The following UGT2B17 variants were observed in gnomAD, a reference collection of about 807,000 sequenced individuals.
The protein encoded by UGT2B17 is UDP glucuronosyltransferase family 2 member B17.
UGT2B17 carries 21 observed loss-of-function variants against 48.2 expected under a neutral mutation model. The ratio of observed to expected loss-of-function variants is 0.44; its 90% CI spans 0.31 to 0.63. The LOEUF (loss-of-function observed/expected upper bound fraction) is 0.63, where lower values mean the gene tolerates loss of function less well. UGT2B17 is among the 20% of genes least tolerant of loss of function. UGT2B17 has a pLI of 0.08. For missense variants in UGT2B17, 402 were observed against 696.1 expected (o/e 0.58, Z 4.75); for synonymous variants, 146 against 238.4 (o/e 0.61, Z 3.57).
intron 5 of UGT2B17, 115 bp downstream of exon 5, chr4:68,551,709 A>ATT (rs1282661780): frequency 2.7e-6 from 2 of 741,452 alleles, no homozygotes; most frequent in Admixed American, 3.5e-5. Flanking sequence ...GTTAAATTTG[A>ATT]TTTTTTTTTA....
intron 1 of UGT2B17, among the ~76,000 whole-genome samples, chr4:68,569,912 C>G (rs1731272966): frequency 7.9e-6 from 1 of 126,472 alleles, no homozygotes; most frequent in African/African-American, 2.7e-5. Context: ...TGTTGGCATG[C>G]TCTCAGGGAT....
At chr4:68,556,066 C>T (rs1179677591) in intron 4 of UGT2B17, among the ~76,000 whole-genome samples, 1 of 119,870 alleles carries the variant, frequency 8.3e-6, no homozygotes, top group African/African-American at 2.8e-5. Flanking sequence ...AAAGTCCAAA[C>T]ATATCATGAA....
intron 4 of UGT2B17, among the ~76,000 whole-genome samples, chr4:68,552,385 A>G (rs1454180297): frequency 7.9e-6 from 1 of 125,852 alleles, no homozygotes; most frequent in Non-Finnish European, 1.7e-5. Flanking sequence ...TCCATGCTTC[A>G]AGTTGCTCTG....
At chr4:68,559,320 A>T (rs1466020464) in intron 4 of UGT2B17, among the ~76,000 whole-genome samples, 1 of 126,148 alleles carries the variant, frequency 7.9e-6, no homozygotes, top group Non-Finnish European at 1.7e-5. Context: ...AATGCTAACA[A>T]TGTAGGAAAA....
Position 68,570,773 on chromosome 4 carries a change from C to T in UGT2B17, c.-64-2225G>A, listed in dbSNP as rs1302734324. ...CAGGTTTTTATAATTATTGTAACTC[C>T]TATTATAAGAGTTTTAAATTTTTCT... On this transcript the variant is annotated intron_variant, in intron 1 of 6. Coordinates refer to ENST00000317746, the MANE Select transcript of UGT2B17 (RefSeq NM_001077.4). Among the ~76,000 whole-genome samples the T allele has an allele frequency of 7.1e-5, 9 of 126,122 alleles. 1 individual carries two copies. The highest frequency in any genetic ancestry group is 1.6e-4 in the African/African-American group (6 of 36,714). 82.7% of individuals were successfully genotyped at this position (126,122 alleles called of 152,430 possible).
chr4:68,542,396 C>T (rs1386720949), intron 6 of UGT2B17, among the ~76,000 whole-genome samples: 2 of 125,918 alleles, frequency 1.6e-5, no homozygotes, highest in Non-Finnish European at 3.4e-5. Flanking sequence ...TTTTTTCTAG[C>T]TCTGTGAGGA....
intron 3 of UGT2B17, among the ~76,000 whole-genome samples, chr4:68,563,806 C>A (rs1034161497): frequency 8.0e-6 from 1 of 125,394 alleles, no homozygotes; most frequent in African/African-American, 2.7e-5. Context: ...CAACTGACTG[C>A]CCAAACTTAA....
In UGT2B17 at chr4:68,539,179, A is replaced by C. The variant is rs1191411427; in HGVS notation, c.1314-1275T>G. On this transcript the variant is annotated intron_variant, in intron 6 of 6. Transcript: ENST00000317746. The stretch of plus-strand genomic sequence containing the variant: ...TTTAAGATTATCTTAAACATTATCC[A>C]AAAGTGAAAACACCAATTTATCACA... 1.6e-5 allele frequency among the ~76,000 whole-genome samples: 2 copies of C among 126,546 alleles called. 1 individual carries two copies. Among genetic ancestry groups the C allele is most frequent in the Non-Finnish European group, 3.4e-5 (2 of 59,698 alleles). The allele number at this position is 126,546 out of a possible 152,430, so 83.0% of individuals were successfully genotyped here. A position where few individuals can be genotyped will look rare whatever the true frequency, so the allele number is the denominator to read the frequency against.
rs1437331958 is a variant in UGT2B17 at position 68,574,589 on chromosome 4, C to G, written c.-65+1362G>C. ...TTTTCTTTAAATTAACATTTTAAAACTTGCTTGAACTTTTCAAACAATAAT... is the reference window on the plus strand; with the variant it reads ...TTTTCTTTAAATTAACATTTTAAAAGTTGCTTGAACTTTTCAAACAATAAT... On this transcript the variant is annotated intron_variant, in intron 1 of 6. Coordinates refer to ENST00000317746, the MANE Select transcript of UGT2B17 (RefSeq NM_001077.4). Among the ~76,000 whole-genome samples the G allele has an allele frequency of 1.6e-5, 2 of 126,740 alleles. 1 individual carries two copies. Among genetic ancestry groups the G allele is most frequent in the Non-Finnish European group, 3.3e-5 (2 of 59,798 alleles). The allele number at this position is 126,740 out of a possible 152,430, so 83.1% of individuals were successfully genotyped here.
intron 6 of UGT2B17, among the ~76,000 whole-genome samples, chr4:68,546,681 C>G (rs1178963863): frequency 1.6e-5 from 2 of 125,380 alleles, no homozygotes; most frequent in Non-Finnish European, 3.4e-5. Context: ...AAAACCTGAT[C>G]GTCTGAGCCC....
intron 4 of UGT2B17, among the ~76,000 whole-genome samples, chr4:68,557,667 T>G (rs1370056831): frequency 7.8e-6 from 1 of 127,760 alleles, no homozygotes; most frequent in Non-Finnish European, 1.7e-5. Flanking sequence ...AAACTATTTG[T>G]GAGTATTTTT....
chr4:68,568,020 A>T lies in UGT2B17; in HGVS notation c.465T>A (p.Asn155Lys), dbSNP rs778445230. The change falls in exon 2 of 7, where the codon AAT (asparagine) becomes AAA (lysine). Residue 155 changes from asparagine (N) to lysine (K), a missense_variant. Physicochemically the swap from Asn to Lys is moderately conservative, Grantham distance 94 (BLOSUM62 0). This residue lies in a region of UGT2B17 where 84 missense variants were observed against 92.6 expected (regional missense o/e 0.91). Coordinates refer to ENST00000317746, the MANE Select transcript of UGT2B17 (RefSeq NM_001077.4). Reference protein sequence around the residue: ...KFDVLLADAVNPCGELLAELL... With the variant: ...KFDVLLADAVKPCGELLAELL... ...GCTCAGCCAGCAGCTCACCACAGGG[A>T]TTAACGGCATCTGCCAGAAGGACAT... 7.2e-7 allele frequency: 1 copy of T among 1,382,718 alleles called. No homozygotes were observed. The highest frequency in any genetic ancestry group is 9.5e-7 in the Non-Finnish European group (1 of 1,055,514). The allele number at this position is 1,382,718 out of a possible 1,614,324, so 85.7% of individuals were successfully genotyped here. A position where few individuals can be genotyped will look rare whatever the true frequency, so the allele number is the denominator to read the frequency against.
intron 6 of UGT2B17, among the ~76,000 whole-genome samples, chr4:68,542,254 C>T (rs1730675045): frequency 7.9e-6 from 1 of 126,378 alleles, no homozygotes; most frequent in Non-Finnish European, 1.7e-5. Context: ...CAGTACCATT[C>T]TGTTTTGGTT....
rs958453672 is a variant in UGT2B17 at position 68,562,797 on chromosome 4, A to G, written c.874-2129T>C. 7.9e-5 allele frequency among the ~76,000 whole-genome samples: 10 copies of G among 125,956 alleles called. 2 individuals are homozygous for G. Among genetic ancestry groups the G allele is most frequent in the African/African-American group, 2.7e-4 (10 of 36,860 alleles). 82.6% of individuals were successfully genotyped at this position (125,956 alleles called of 152,430 possible). A position where few individuals can be genotyped will look rare whatever the true frequency, so the allele number is the denominator to read the frequency against. On this transcript the variant is annotated intron_variant, in intron 3 of 6. Transcript: ENST00000317746. ...TTATATAACTCAATGTACATATGTG[A>G]TGTTTATTTAGAAAATTTTTTCTCA...
chr4:68,540,006 G>A (rs1359291711), intron 6 of UGT2B17, among the ~76,000 whole-genome samples: 2 of 122,176 alleles, frequency 1.6e-5, no homozygotes, highest in African/African-American at 5.6e-5. Context: ...GGCTGGTCTC[G>A]AACTCCTGAC....
At position 68,550,618 on chromosome 4, in the gene UGT2B17, A is replaced by G. The variant is rs747192121; in HGVS notation, c.1313+59T>C. 51 of 1,252,078 alleles carry G rather than the reference A, an allele frequency of 4.1e-5. 11 individuals carry two copies. The highest frequency in any genetic ancestry group is 4.2e-5 in the Non-Finnish European group (40 of 950,852). 77.6% of individuals were successfully genotyped at this position (1,252,078 alleles called of 1,614,324 possible). A position where few individuals can be genotyped will look rare whatever the true frequency, so the allele number is the denominator to read the frequency against. On this transcript the variant is annotated intron_variant, in intron 6 of 6. Transcript: ENST00000317746. ...CTCTTAACAAAGGGTTCAAACTCAT[A>G]TTCACTGTTGACAAAATAATTTGTA... is the stretch of plus-strand genomic sequence containing the variant.
Position 68,570,135 on chromosome 4 carries a change from A to G in UGT2B17, c.-64-1587T>C, listed in dbSNP as rs1414813263. Reference sequence around the variant, plus strand: ...ACCAAGTTGTAGAAGGAAGGGCTTTATTCAGCTGGGAGCATCGGCAAGCTA... The same window carrying G: ...ACCAAGTTGTAGAAGGAAGGGCTTTGTTCAGCTGGGAGCATCGGCAAGCTA... On this transcript the variant is annotated intron_variant, in intron 1 of 6. Transcript: ENST00000317746. 3.9e-5 allele frequency among the ~76,000 whole-genome samples: 5 copies of G among 126,970 alleles called. 2 individuals carry two copies. Among genetic ancestry groups the G allele is most frequent in the African/African-American group, 1.3e-4 (5 of 37,100 alleles). 83.3% of individuals were successfully genotyped at this position (126,970 alleles called of 152,430 possible).
intron 6 of UGT2B17, among the ~76,000 whole-genome samples, chr4:68,544,046 G>A (rs1334452177): frequency 7.9e-6 from 1 of 126,240 alleles, no homozygotes; most frequent in Non-Finnish European, 1.7e-5. Context: ...AATCTAGCAA[G>A]GCAGGCTGAC....
At position 68,542,412 on chromosome 4, in the gene UGT2B17, A is replaced by G. The variant is rs894793730; in HGVS notation, c.1314-4508T>C. Among the ~76,000 whole-genome samples the G allele has an allele frequency of 7.5e-4, 95 of 126,088 alleles. 23 individuals carry two copies. Among genetic ancestry groups the G allele is most frequent in the Non-Finnish European group, 1.7e-4 (10 of 59,546 alleles). The allele number at this position is 126,088 out of a possible 152,430, so 82.7% of individuals were successfully genotyped here. On this transcript the variant is annotated intron_variant, in intron 6 of 6. Coordinates refer to ENST00000317746, the MANE Select transcript of UGT2B17 (RefSeq NM_001077.4). Reference sequence around the variant, plus strand: ...TTTTTCTAGCTCTGTGAGGAATGTCAATGGTAGTTTGATGGGAATAGCTTT... The same window carrying G: ...TTTTTCTAGCTCTGTGAGGAATGTCGATGGTAGTTTGATGGGAATAGCTTT...
Sources: allele counts gnomAD v4.1 joint callset (sites outside exome capture counted in the v4.1 genomes callset), GRCh38; gene constraint gnomAD v4.1.1; regional missense constraint gnomAD v4.1.1; transcripts MANE v1.5; gene names NCBI Gene and HGNC (gene_info 2026-07-23, HGNC 2026-07-21).